The following FOXK1 variants were observed in gnomAD, a reference collection of about 807,000 sequenced individuals.
The protein encoded by FOXK1 is forkhead box K1.
FOXK1 carries 19 observed loss-of-function variants against 51.9 expected under a neutral mutation model. The observed-to-expected ratio is 0.37, with a 90% CI of 0.26 to 0.54. The LOEUF (loss-of-function observed/expected upper bound fraction) is 0.54, where lower values mean the gene tolerates loss of function less well. Among genes scored for constraint, FOXK1 ranks in the 20% least tolerant of loss-of-function variants. FOXK1 has a pLI of 0.87. For synonymous variants in FOXK1, 537 were observed against 482.6 expected (o/e 1.11, Z -1.48); for missense variants, 870 against 1,032.7 (o/e 0.84, Z 2.16).
rs1780148892 is a variant in FOXK1, at chr7:4,709,597, C to G, written c.560+26729C>G. Among the ~76,000 whole-genome samples, 1 of 152,162 alleles carries G rather than the reference C, an allele frequency of 6.6e-6. No individual in the cohort carries two copies. The highest frequency in any genetic ancestry group is 2.1e-4 in the South Asian group (1 of 4,830). On this transcript the variant is annotated intron_variant, in intron 1 of 8. Coordinates refer to ENST00000328914, the MANE Select transcript of FOXK1 (RefSeq NM_001037165.2). The surrounding 1 kb of genome is among the most constrained non-coding windows in gnomAD (Gnocchi z 5.6). ...CTTCGCAGCAGGCCTGTGTGGTCTG[C>G]TAGAAAAGGGGAGGTTGCAGAAGAT...
At chr7:4,692,342 T>C (rs1308143161) in intron 1 of FOXK1, among the ~76,000 whole-genome samples, 1 of 152,314 alleles carries the variant, frequency 6.6e-6, no homozygotes, top group East Asian at 1.9e-4. Context: ...CCTTTTCAGA[T>C]ATTGTGGATG....
rs1178789574 is a variant in FOXK1, at chr7:4,707,146, A to T, written c.560+24278A>T. On this transcript the variant is annotated intron_variant, in intron 1 of 8. Transcript: ENST00000328914. The surrounding 1 kb of genome is among the most constrained non-coding windows in gnomAD (Gnocchi z 4.1). ...TCCCCTCCGGGTTTCCCATGATGTT[A>T]CGTTGCCCTCTTTGTTACCACCCCT... Among the ~76,000 whole-genome samples the T allele has an allele frequency of 6.6e-6, 1 of 152,160 alleles. No individual in the cohort carries two copies. The highest frequency in any genetic ancestry group is 1.5e-5 in the Non-Finnish European group (1 of 68,024).
At chr7:4,699,567 C>T (rs943698187) in intron 1 of FOXK1, among the ~76,000 whole-genome samples, 2 of 151,674 alleles carry the variant, frequency 1.3e-5, no homozygotes, top group African/African-American at 4.9e-5. Context: ...AGGGTTTCAC[C>T]ATGTTGGCCA....
intron 1 of FOXK1, among the ~76,000 whole-genome samples, chr7:4,727,831 C>T (rs1037344789): frequency 6.6e-6 from 1 of 152,236 alleles, no homozygotes; most frequent in African/African-American, 2.4e-5. Flanking sequence ...CAGAGAACCT[C>T]TCCTGTGGCC....
Position 4,714,276 on chromosome 7 carries a change from C to G in FOXK1, c.561-26562C>G, listed in dbSNP as rs114563517. ...TCTTTTCATGTTGACCCTATTTTCA[C>G]TGTGTGTGTCTGTTTGTTTGTTGAG... On this transcript the variant is annotated intron_variant, in intron 1 of 8. Transcript: ENST00000328914. Among the ~76,000 whole-genome samples, 1,036 of 152,132 alleles carry G rather than the reference C, an allele frequency of 6.8e-3. 11 individuals carry two copies. The highest frequency in any genetic ancestry group is 0.024 in the African/African-American group (1,007 of 41,478).
intron 1 of FOXK1, among the ~76,000 whole-genome samples, chr7:4,700,140 G>T (rs1029047235): frequency 8.5e-5 from 13 of 152,176 alleles, no homozygotes; most frequent in Non-Finnish European, 2.9e-5. Flanking sequence ...AGCACCCCAC[G>T]GCACCCTGTG....
At chr7:4,726,903 G>C (rs1780387980) in intron 1 of FOXK1, among the ~76,000 whole-genome samples, 1 of 152,058 alleles carries the variant, frequency 6.6e-6, no homozygotes, top group African/African-American at 2.4e-5. Flanking sequence ...CACAGTACCT[G>C]GTATATATAA....
chr7:4,733,317 C>T lies in FOXK1; in HGVS notation c.561-7521C>T, dbSNP rs570480869. Among the ~76,000 whole-genome samples, 1 of 152,226 alleles carries T rather than the reference C, an allele frequency of 6.6e-6. No individual in the cohort carries two copies. The highest frequency in any genetic ancestry group is 1.5e-5 in the Non-Finnish European group (1 of 68,016). On this transcript the variant is annotated intron_variant, in intron 1 of 8. Coordinates refer to ENST00000328914, the MANE Select transcript of FOXK1 (RefSeq NM_001037165.2). The surrounding 1 kb of genome is among the most constrained non-coding windows in gnomAD (Gnocchi z 5.0). ...GTGCTGGGATTATAGATGTAAGCCA[C>T]CCTACCCAGCCACACATGACCATCT...
At chr7:4,719,774 G>T (rs535562966) in intron 1 of FOXK1, among the ~76,000 whole-genome samples, 1 of 152,148 alleles carries the variant, frequency 6.6e-6, no homozygotes, top group South Asian at 2.1e-4. Context: ...GAGCCACCGC[G>T]CCCGGCCTGC....
Position 4,704,834 on chromosome 7 carries a change from C to CTTTTTTTTTTTTTTTTTT in FOXK1, c.560+21981_560+21982insTTTTTTTTTTTTTTTTTT, listed in dbSNP as rs775099211. On this transcript the variant is annotated intron_variant, in intron 1 of 8. Transcript: ENST00000328914. ...CTCCCAAACCAATCTATGTTTCATTCTTTTTTTTTTTTTTTGAGAAAAAGT... is the reference window on the plus strand; with the variant it reads ...CTCCCAAACCAATCTATGTTTCATTCTTTTTTTTTTTTTTTTTTTTTTTTTTTTTTTTTGAGAAAAAGT... 2.4e-4 allele frequency among the ~76,000 whole-genome samples: 31 copies of CTTTTTTTTTTTTTTTTTT among 131,396 alleles called. 1 individual carries two copies. Among genetic ancestry groups the CTTTTTTTTTTTTTTTTTT allele is most frequent in the African/African-American group, 9.7e-4 (30 of 31,084 alleles). The allele number at this position is 131,396 out of a possible 152,430, so 86.2% of individuals were successfully genotyped here. A position where few individuals can be genotyped will look rare whatever the true frequency, so the allele number is the denominator to read the frequency against.
rs1780752481 is a variant in FOXK1, at chr7:4,749,875, A to G, written c.747-4584A>G. Among the ~76,000 whole-genome samples the G allele has an allele frequency of 6.6e-6, 1 of 152,160 alleles. No individual in the cohort carries two copies. The highest frequency in any genetic ancestry group is 2.4e-5 in the African/African-American group (1 of 41,446). On this transcript the variant is annotated intron_variant, in intron 2 of 8. Transcript: ENST00000328914. The surrounding 1 kb of genome is among the most constrained non-coding windows in gnomAD (Gnocchi z 6.0). Reference sequence around the variant, plus strand: ...GCCTTTCTCAGCGTGACTTCTCATCATAACGTGACCCAGCGACCTGTGTGT... The same window carrying G: ...GCCTTTCTCAGCGTGACTTCTCATCGTAACGTGACCCAGCGACCTGTGTGT...
chr7:4,710,048 G>A (rs1343991022), intron 1 of FOXK1, among the ~76,000 whole-genome samples: 2 of 152,130 alleles, frequency 1.3e-5, no homozygotes, highest in Non-Finnish European at 2.9e-5. Flanking sequence ...TTCTTCTTAC[G>A]GTTTTAATTG....
At position 4,756,246 on chromosome 7, in the gene FOXK1, C is replaced by T. The variant is rs772995486; in HGVS notation, c.1051-748C>T. Among the ~76,000 whole-genome samples the T allele has an allele frequency of 6.6e-6, 1 of 152,126 alleles. No individual in the cohort carries two copies. Among genetic ancestry groups the T allele is most frequent in the Non-Finnish European group, 1.5e-5 (1 of 68,002 alleles). The stretch of plus-strand genomic sequence containing the variant: ...TCTTCTGCTTCAGCCTCCCAAGTAG[C>T]TGGGGCTACAGGTGCCCACCACCAC... On this transcript the variant is annotated intron_variant, in intron 4 of 8. Transcript: ENST00000328914. The surrounding 1 kb of genome is among the most constrained non-coding windows in gnomAD (Gnocchi z 4.1).
chr7:4,698,905 C>G (rs151251234), intron 1 of FOXK1, among the ~76,000 whole-genome samples: 409 of 152,256 alleles, frequency 2.7e-3, no homozygotes, highest in African/African-American at 9.7e-3. Context: ...CCAGGCTGGT[C>G]TCAAACTCCT....
At chr7:4,750,079 C>T (rs767004438) in intron 2 of FOXK1, among the ~76,000 whole-genome samples, 76 of 152,230 alleles carry the variant, frequency 5.0e-4, no homozygotes, top group Non-Finnish European at 6.5e-4. Context: ...CCAGCTCTCT[C>T]GCCTGAGGCG....
intron 1 of FOXK1, among the ~76,000 whole-genome samples, chr7:4,737,767 C>A (rs929717873): frequency 2.6e-5 from 4 of 152,170 alleles, no homozygotes; most frequent in Non-Finnish European, 5.9e-5. Flanking sequence ...CTCTGGGACC[C>A]ACAAAAGCTA....
In FOXK1 at chr7:4,758,056, C is replaced by G. The variant is rs952146809; in HGVS notation, c.1244+869C>G. On this transcript the variant is annotated intron_variant, in intron 5 of 8. Transcript: ENST00000328914. The surrounding 1 kb of genome is among the most constrained non-coding windows in gnomAD (Gnocchi z 4.4). ...TAGCAATAGGAACGGTTCCTAAGGC[C>G]AAGAATAAATGGATTGCGGTTGTGG... is the stretch of plus-strand genomic sequence containing the variant. The G allele has an allele frequency of 3.5e-4, 53 of 152,268 alleles. No individual in the cohort carries two copies. The highest frequency in any genetic ancestry group is 1.3e-3 in the African/African-American group (52 of 41,552). 9.4% of individuals were successfully genotyped at this position (152,268 alleles called of 1,614,324 possible).
rs1780851941 is a variant in FOXK1 at position 4,756,266 on chromosome 7, C to T, written c.1051-728C>T. Among the ~76,000 whole-genome samples, 1 of 152,068 alleles carries T rather than the reference C, an allele frequency of 6.6e-6. No homozygotes were observed. The highest frequency in any genetic ancestry group is 2.4e-5 in the African/African-American group (1 of 41,430). On this transcript the variant is annotated intron_variant, in intron 4 of 8. Coordinates refer to ENST00000328914, the MANE Select transcript of FOXK1 (RefSeq NM_001037165.2). This position sits in a 1 kb window ranked among gnomAD's most constrained non-coding sequence, Gnocchi z 4.1. ...AGTAGCTGGGGCTACAGGTGCCCAC[C>T]ACCACACCTGGCTATTTTTTGTATT...
Position 4,759,198 on chromosome 7 carries a change from G to C in FOXK1, c.1392G>C (p.Arg464=), listed in dbSNP as rs757574740. 1 of 1,609,056 alleles carries C rather than the reference G, an allele frequency of 6.2e-7. No individual in the cohort carries two copies. Among genetic ancestry groups the C allele is most frequent in the Non-Finnish European group, 8.5e-7 (1 of 1,177,856 alleles). Residue 464 remains arginine, a synonymous_variant, in exon 6 of 9, where the codon CGG becomes CGC. Coordinates refer to ENST00000328914, the MANE Select transcript of FOXK1 (RefSeq NM_001037165.2). ...AGTTAGCTTCTGTCCCAGAGTACCG[G>C]TATTCCCAAAGCGCACCCGGTAAGG... ...GSKLASVPEY[R]YSQSAPGSPV...
Sources: gnomAD v4.1 joint callset for allele counts (sites outside exome capture counted in the v4.1 genomes callset) on GRCh38, gnomAD v4.1.1 for gene constraint, Gnocchi (gnomAD v3.1) non-coding constraint, MANE v1.5 for transcripts, NCBI Gene and HGNC (gene_info 2026-07-23, HGNC 2026-07-21) for gene names.